MYO7B: variants seen among roughly 807,000 people sequenced by gnomAD.
MYO7B encodes the protein unconventional myosin-VIIb.
A neutral mutation model predicts 259.7 loss-of-function variants in MYO7B; 212 were observed. The ratio of observed to expected loss-of-function variants is 0.82; its 90% CI spans 0.73 to 0.91. The LOEUF is 0.91. Ranked by LOEUF, MYO7B falls within the 40% of genes least tolerant of loss-of-function variation. The pLI is 0.00. For synonymous variants in MYO7B, 1,197 were observed against 1,166.4 expected (o/e 1.03, Z -0.54); for missense variants, 2,732 against 2,813.5 (o/e 0.97, Z 0.66).
chr2:127,632,525 C>T (rs1477543263), intron 39 of MYO7B, 124 bp downstream of exon 39: 8 of 1,286,760 alleles, frequency 6.2e-6, no homozygotes, highest in Non-Finnish European at 8.3e-6. Flanking sequence ...CCAGTGTCAG[C>T]TTGGCAGGCA....
At chr2:127,606,446 C>T (rs888201828) in intron 20 of MYO7B, among the ~76,000 whole-genome samples, 3 of 152,244 alleles carry the variant, frequency 2.0e-5, no homozygotes, top group Non-Finnish European at 4.4e-5. Flanking sequence ...ACTGGCCCAG[C>T]CTGCCTGCAT....
At chr2:127,618,157 C>A (rs189161191) in intron 26 of MYO7B, among the ~76,000 whole-genome samples, 4 of 152,308 alleles carry the variant, frequency 2.6e-5, no homozygotes, top group African/African-American at 9.6e-5. Context: ...CGTCCCTGTC[C>A]AGGCAGCACT....
chr2:127,557,320 AT>A lies in MYO7B; in HGVS notation c.-23-2376del, dbSNP rs1026780425. ...CCTCATTTCTTGTGTCATTTTTTTG[AT>A]TTTCTTAAATTGGACTTTACGTTTC... On this transcript the variant is annotated intron_variant, in intron 1 of 47. Coordinates refer to ENST00000409816, the MANE Select transcript of MYO7B (RefSeq NM_001393586.1). 9.9e-5 allele frequency among the ~76,000 whole-genome samples: 15 copies of A among 150,776 alleles called. 1 individual carries two copies. Among genetic ancestry groups the A allele is most frequent in the Admixed American group, 9.9e-4 (15 of 15,146 alleles).
rs542497621 is a variant in MYO7B, at chr2:127,585,815, C to T, written c.1690+902C>T. On this transcript the variant is annotated intron_variant, in intron 14 of 47. Coordinates refer to ENST00000409816, the MANE Select transcript of MYO7B (RefSeq NM_001393586.1). The surrounding 1 kb of genome is among the most constrained non-coding windows in gnomAD (Gnocchi z 4.3). Reference sequence around the variant, plus strand: ...CAATGTGATTTGCATCTGCATCCCCCGATGGCTAATGATGTTGATCGCCTT... The same window carrying T: ...CAATGTGATTTGCATCTGCATCCCCTGATGGCTAATGATGTTGATCGCCTT... Among the ~76,000 whole-genome samples, 2 of 152,320 alleles carry T rather than the reference C, an allele frequency of 1.3e-5. No homozygotes were observed. Among genetic ancestry groups the T allele is most frequent in the Admixed American group, 6.5e-5 (1 of 15,296 alleles).
chr2:127,602,296 A>G (rs1679990603), intron 19 of MYO7B, among the ~76,000 whole-genome samples: 1 of 152,098 alleles, frequency 6.6e-6, no homozygotes, highest in Non-Finnish European at 1.5e-5. Flanking sequence ...ATGTCCATTT[A>G]CCTTCTCTCA....
At chr2:127,579,901 T>C (rs2104928159) in intron 9 of MYO7B, among the ~76,000 whole-genome samples, 1 of 152,314 alleles carries the variant, frequency 6.6e-6, no homozygotes, top group Middle Eastern at 3.4e-3. Flanking sequence ...ACATAACATT[T>C]AAAAGCCGGC....
chr2:127,589,944 A>G (rs1326860261), intron 15 of MYO7B, 148 bp from the exon 16 acceptor site: 2 of 844,214 alleles, frequency 2.4e-6, no homozygotes, highest in African/African-American at 1.8e-5. Context: ...GGATGGATAC[A>G]TGGATGGGTG....
chr2:127,575,101 C>G (rs139324306), intron 7 of MYO7B, among the ~76,000 whole-genome samples: 8 of 152,142 alleles, frequency 5.3e-5, no homozygotes, highest in African/African-American at 1.9e-4. Context: ...CAGATGCCTC[C>G]GCACTGTGAC....
rs200924932 is a variant in MYO7B, at chr2:127,590,072, C to T, written c.1855-20C>T. On this transcript the variant is annotated intron_variant, in intron 15 of 47. Transcript: ENST00000409816. This position sits in a 1 kb window ranked among gnomAD's most constrained non-coding sequence, Gnocchi z 4.6. ...ACATGGCTCCTGAGACCCACTTGTGCTCTGTGCTTCCATTCACAGTCTGCA... is the reference window on the plus strand; with the variant it reads ...ACATGGCTCCTGAGACCCACTTGTGTTCTGTGCTTCCATTCACAGTCTGCA... The T allele has an allele frequency of 1.5e-5, 23 of 1,560,376 alleles. No individual in the cohort carries two copies. In the East Asian group the frequency reaches 5.3e-4, roughly 36 times the overall value.
At chr2:127,608,243 C>T (rs768423515) in intron 21 of MYO7B, among the ~76,000 whole-genome samples, 5 of 152,226 alleles carry the variant, frequency 3.3e-5, no homozygotes, top group African/African-American at 7.2e-5. Flanking sequence ...CCCATAGACA[C>T]GTCAGCAGCA....
At chr2:127,620,493 G>T in intron 27 of MYO7B, 27 bp downstream of exon 27, 1 of 1,523,100 alleles carries the variant, frequency 6.6e-7, no homozygotes, top group Non-Finnish European at 8.9e-7. Flanking sequence ...AGGGAGGGCG[G>T]GCAGGGGGCA....
In MYO7B at chr2:127,576,056, G is replaced by A. The variant is rs182447629; in HGVS notation, c.736-539G>A. On this transcript the variant is annotated intron_variant, in intron 7 of 47. Coordinates refer to ENST00000409816, the MANE Select transcript of MYO7B (RefSeq NM_001393586.1). This position sits in a 1 kb window ranked among gnomAD's most constrained non-coding sequence, Gnocchi z 4.9. Reference sequence around the variant, plus strand: ...TCTACAAAAAATACAAAACTTAGCCGGACGTGGTGGTGTGTGCCTGTGATC... The same window carrying A: ...TCTACAAAAAATACAAAACTTAGCCAGACGTGGTGGTGTGTGCCTGTGATC... Among the ~76,000 whole-genome samples, 500 of 152,250 alleles carry A rather than the reference G, an allele frequency of 3.3e-3. 5 individuals carry two copies. The highest frequency in any genetic ancestry group is 0.017 in the South Asian group (81 of 4,820).
At chr2:127,582,139 T>G in intron 11 of MYO7B, 129 bp downstream of exon 11, 1 of 1,481,696 alleles carries the variant, frequency 6.7e-7, no homozygotes, top group Non-Finnish European at 9.1e-7. Flanking sequence ...GTCACCTGCC[T>G]GGTGACCATG....
At chr2:127,592,394 CA>C (rs1011745081) in intron 16 of MYO7B, among the ~76,000 whole-genome samples, 2 of 151,866 alleles carry the variant, frequency 1.3e-5, no homozygotes, top group African/African-American at 2.4e-5. Context: ...GACTCCATCT[CA>C]AAAAAATAAA....
intron 6 of MYO7B, among the ~76,000 whole-genome samples, chr2:127,572,321 T>A (rs960528766): frequency 6.7e-6 from 1 of 149,692 alleles, no homozygotes; most frequent in Non-Finnish European, 1.5e-5. Context: ...CGGGATGCTG[T>A]GGCAGGAGAA....
intron 16 of MYO7B, among the ~76,000 whole-genome samples, chr2:127,591,858 C>T (rs894919592): frequency 3.9e-5 from 6 of 152,226 alleles, no homozygotes; most frequent in Admixed American, 6.5e-5. Flanking sequence ...ACACTCGCCT[C>T]AAAGCAAAAG....
chr2:127,630,534 C>T (rs905011998), intron 35 of MYO7B, among the ~76,000 whole-genome samples: 10 of 152,118 alleles, frequency 6.6e-5, no homozygotes, highest in East Asian at 3.9e-4. Flanking sequence ...GCCCCCAGAA[C>T]GGGTGATGTG....
At position 127,631,973 on chromosome 2, in the gene MYO7B, C is replaced by G. The variant is rs150873241; in HGVS notation, c.5249+220C>G. 1.8e-3 allele frequency among the ~76,000 whole-genome samples: 276 copies of G among 152,324 alleles called. 2 individuals carry two copies. Among genetic ancestry groups the G allele is most frequent in the African/African-American group, 5.8e-3 (243 of 41,562 alleles). On this transcript the variant is annotated intron_variant, in intron 38 of 47. Transcript: ENST00000409816. ...GGATGGCCCTGCCCACTCCCACCCT[C>G]TGTGTGTGACCTGGCAGGCCATGAC...
rs61744148 is a variant in MYO7B, at chr2:127,621,988, C to G, written c.3532C>G (p.Leu1178Val). The change falls in exon 28 of 48, where the codon CTG becomes GTG. Residue 1178 changes from leucine (L) to valine (V), a missense_variant. Leu to Val is a conservative substitution (Grantham distance 32, BLOSUM62 1). Around this residue, in one of 3 missense-constraint regions of MYO7B, gnomAD observed 1,906 missense variants for 2,026.4 expected, o/e 0.94. Coordinates refer to ENST00000409816, the MANE Select transcript of MYO7B (RefSeq NM_001393586.1). ...PPSERFMKYL[L>V]NFIGQGPATY... Reference sequence around the variant, plus strand: ...TCCCCTCCTCACCCACCAGTATCTACTGAACTTCATCGGCCAAGGGCCGGC... The same window carrying G: ...TCCCCTCCTCACCCACCAGTATCTAGTGAACTTCATCGGCCAAGGGCCGGC... 0.12 allele frequency: 184,585 copies of G among 1,551,702 alleles called. 12,196 individuals are homozygous for G. Among genetic ancestry groups the G allele is most frequent in the Middle Eastern group, 0.17 (1,036 of 5,990 alleles).
Sources: gnomAD v4.1 joint callset for allele counts (sites outside exome capture counted in the v4.1 genomes callset) on GRCh38, gnomAD v4.1.1 for gene constraint, gnomAD v4.1.1 regional missense constraint, Gnocchi (gnomAD v3.1) non-coding constraint, MANE v1.5 for transcripts, NCBI Gene and HGNC (gene_info 2026-07-23, HGNC 2026-07-21) for gene names.